RGPD4: variants seen among roughly 807,000 people sequenced by gnomAD.
RGPD4 encodes the protein RANBP2 like and GRIP domain containing 4.
RGPD4 carries 84 observed loss-of-function variants against 141.1 expected under a neutral mutation model. That is an observed-to-expected ratio of 0.60 (90% CI 0.50 to 0.71). The LOEUF (loss-of-function observed/expected upper bound fraction) is 0.71, where lower values mean the gene tolerates loss of function less well. Ranked by LOEUF, RGPD4 falls within the 30% of genes least tolerant of loss-of-function variation. The pLI, the probability that RGPD4 is intolerant of heterozygous loss-of-function variation, is 0.00. For synonymous variants in RGPD4, 298 were observed against 566.8 expected (o/e 0.53, Z 6.74); for missense variants, 918 against 1,622.4 (o/e 0.57, Z 7.46).
chr2:107,883,121 A>G (rs563881749), intron 22 of RGPD4: 1 of 646,518 alleles, frequency 1.5e-6, no homozygotes, highest in Non-Finnish European at 2.8e-6. Context: ...TAGCTCTTTG[A>G]AAATTGGATT....
chr2:107,832,805 A>G (rs1681540141), intron 1 of RGPD4, among the ~76,000 whole-genome samples: 1 of 151,662 alleles, frequency 6.6e-6, no homozygotes, highest in Non-Finnish European at 1.5e-5. Flanking sequence ...GAGTCTGATG[A>G]GATTCTTGTT....
At chr2:107,882,198 C>A (rs1202276222) in intron 21 of RGPD4, among the ~76,000 whole-genome samples, 1 of 151,858 alleles carries the variant, frequency 6.6e-6, no homozygotes, top group Non-Finnish European at 1.5e-5. Context: ...GCATCCTCTC[C>A]TCTTGTCAGT....
At chr2:107,887,376 G>T (rs1017988462) in intron 22 of RGPD4, among the ~76,000 whole-genome samples, 1 of 152,174 alleles carries the variant, frequency 6.6e-6, no homozygotes, top group African/African-American at 2.4e-5. Context: ...ATATATACAT[G>T]AGTGTTGGTA....
At chr2:107,836,491 A>T (rs1681669008) in intron 1 of RGPD4, 111 bp from the exon 2 acceptor site, 1 of 1,040,876 alleles carries the variant, frequency 9.6e-7, no homozygotes, top group African/African-American at 1.6e-5. Flanking sequence ...TTTTTAAGTG[A>T]ATGAAAATGG....
At chr2:107,832,397 T>C (rs2104400095) in intron 1 of RGPD4, among the ~76,000 whole-genome samples, 1 of 151,716 alleles carries the variant, frequency 6.6e-6, no homozygotes. Flanking sequence ...TGTTTTGGTG[T>C]AGCATAGTCT....
At chr2:107,862,530 TA>T (rs1336162977) in intron 15 of RGPD4, among the ~76,000 whole-genome samples, 151 bp from the exon 16 acceptor site, 15 of 150,872 alleles carry the variant, frequency 9.9e-5, no homozygotes, top group African/African-American at 3.2e-4. Flanking sequence ...AAAAGATAAT[TA>T]AAAAACACTT....
At chr2:107,886,161 T>A (rs933607001) in intron 22 of RGPD4, among the ~76,000 whole-genome samples, 8 of 142,306 alleles carry the variant, frequency 5.6e-5, no homozygotes, top group Non-Finnish European at 1.1e-4. Flanking sequence ...AAACATGTTT[T>A]TACTAATCGA....
chr2:107,873,692 ATATG>A (rs1683010109), intron 20 of RGPD4, among the ~76,000 whole-genome samples: 2 of 151,902 alleles, frequency 1.3e-5, no homozygotes, highest in Admixed American at 1.3e-4. Flanking sequence ...GGATAAATGA[ATATG>A]TAAGACAGAT....
chr2:107,860,095 ATTAT>A (rs1342485032), intron 12 of RGPD4, among the ~76,000 whole-genome samples: 2 of 49,608 alleles, frequency 4.0e-5, no homozygotes, highest in East Asian at 4.8e-4. Context: ...AGTTCTGATA[ATTAT>A]TTAGCCTGAA....
Position 107,827,076 on chromosome 2 carries a change from G to T in RGPD4, c.63G>T (p.Ser21=), listed in dbSNP as rs1241414756. ...YVASVQGSAP[S]PRKKSTRGFY... ...CCTCCGTGCAGGGCTCCGCCCCGTC[G>T]CCTCGAAAGGTGAGTGGATCTCGAA... Residue 21 remains serine (S), a synonymous_variant, in exon 1 of 23, where the codon TCG becomes TCT. Coordinates refer to ENST00000408999, the MANE Select transcript of RGPD4 (RefSeq NM_182588.3). 1.9e-6 allele frequency: 3 copies of T among 1,590,482 alleles called. No homozygotes were observed. The South Asian group carries it at 3.4e-5, about 18-fold the overall frequency.
In RGPD4 at chr2:107,871,773, G is replaced by A. The variant is rs755768263; in HGVS notation, c.3769G>A (p.Asp1257Asn). The A allele has an allele frequency of 6.2e-6, 10 of 1,611,372 alleles. No homozygotes were observed. In the African/African-American group the frequency reaches 1.2e-4, roughly 19 times the overall value. ...LEWDNCDLREDALDDSVSSSS... is the reference protein window; with the variant it reads ...LEWDNCDLRENALDDSVSSSS... ...ATGGGATAACTGTGATTTAAGGGAA[G>A]ATGCTTTGGATGATAGTGTCAGTAG... The change falls in exon 20 of 23, where the codon GAT becomes AAT. Residue 1257 changes from aspartate (D) to asparagine (N), a missense_variant. Physicochemically the swap from Asp to Asn is conservative, Grantham distance 23. Coordinates refer to ENST00000408999, the MANE Select transcript of RGPD4 (RefSeq NM_182588.3).
intron 21 of RGPD4, among the ~76,000 whole-genome samples, chr2:107,882,470 A>G (rs1403117329): frequency 6.6e-6 from 1 of 150,752 alleles, no homozygotes; most frequent in Non-Finnish European, 1.5e-5. Flanking sequence ...TTCATGTCAA[A>G]TGGATTTTAT....
At chr2:107,828,825 C>T (rs1681347245) in intron 1 of RGPD4, among the ~76,000 whole-genome samples, 3 of 17,128 alleles carry the variant, frequency 1.8e-4, no homozygotes, top group African/African-American at 7.2e-4. Context: ...CGGCCTCGAC[C>T]CGGCCCGGCG....
At position 107,859,229 on chromosome 2, in the gene RGPD4, T is replaced by G; in HGVS notation, c.1392T>G (p.His464Gln). The G allele has an allele frequency of 7.8e-7, 1 of 1,278,802 alleles. No homozygotes were observed. Among genetic ancestry groups the G allele is most frequent in the Non-Finnish European group, 1.0e-6 (1 of 969,766 alleles). 79.2% of individuals were successfully genotyped at this position (1,278,802 alleles called of 1,614,324 possible). ...AATGGCTAAAACAGCTTTTCCATCA[T>G]TTGCCCCAGGAAACCTCAAGGCTTG... ...IRKWLKQLFH[H>Q]LPQETSRLET... The change falls in exon 10 of 23, where the codon CAT becomes CAG. Residue 464 changes from histidine (H) to glutamine (Q), a missense_variant. Transcript: ENST00000408999.
chr2:107,859,661 G>A lies in RGPD4; in HGVS notation c.1635-61G>A, dbSNP rs556434381. 4.6e-4 allele frequency: 748 copies of A among 1,611,088 alleles called. 2 individuals are homozygous for A. The highest frequency in any genetic ancestry group is 6.9e-4 in the South Asian group (63 of 90,966). On this transcript the variant is annotated intron_variant, in intron 11 of 22. Coordinates refer to ENST00000408999, the MANE Select transcript of RGPD4 (RefSeq NM_182588.3). ...TGTCATGTGACCCATTAACATATAT[G>A]TATGTAAGCGCTGAACTGTGTATTT...
intron 1 of RGPD4, among the ~76,000 whole-genome samples, chr2:107,831,255 CTA>C (rs1170379651): frequency 6.7e-6 from 1 of 149,304 alleles, no homozygotes; most frequent in Non-Finnish European, 1.5e-5. Flanking sequence ...TTTAGTTTTT[CTA>C]TGTTCTGTCA....
intron 21 of RGPD4, among the ~76,000 whole-genome samples, chr2:107,880,511 C>T (rs1310424643): frequency 5.9e-5 from 9 of 151,664 alleles, no homozygotes; most frequent in Non-Finnish European, 1.3e-4. Flanking sequence ...GATCCACCTG[C>T]CTTGGCCTCC....
chr2:107,829,629 C>G (rs962834993), intron 1 of RGPD4, among the ~76,000 whole-genome samples: 6 of 152,098 alleles, frequency 3.9e-5, no homozygotes, highest in Admixed American at 6.5e-5. Context: ...AGGCGCCGGC[C>G]GGCTGGCGCA....
chr2:107,829,402 G>A (rs1385812050), intron 1 of RGPD4, among the ~76,000 whole-genome samples: 1 of 33,484 alleles, frequency 3.0e-5, no homozygotes, highest in East Asian at 4.9e-4. Flanking sequence ...AGGCGTCATG[G>A]CTACCGACGG....
Sources: allele counts gnomAD v4.1 joint callset (sites outside exome capture counted in the v4.1 genomes callset), GRCh38; gene constraint gnomAD v4.1.1; transcripts MANE v1.5; gene names NCBI Gene and HGNC (gene_info 2026-07-23, HGNC 2026-07-21).